Variants in ZBTB46 observed in about 807,000 individuals in gnomAD.
ZBTB46 encodes zinc finger and BTB domain-containing protein 46.
In ZBTB46, 8 loss-of-function variants were observed where a neutral mutation model predicts 44.1. The observed-to-expected ratio is 0.18, with a 90% confidence interval of 0.11 to 0.33. The LOEUF is 0.33. Ranked by LOEUF, ZBTB46 falls within the 10% of genes least tolerant of loss-of-function variation. ZBTB46 has a pLI of 1.00. For missense variants in ZBTB46, 651 were observed against 847.7 expected (o/e 0.77, Z 2.88); for synonymous variants, 409 against 382.3 (o/e 1.07, Z -0.81).
In ZBTB46 at chr20:63,749,437, T is replaced by C. The variant is rs533427847; in HGVS notation, c.1399-2136A>G. Among the ~76,000 whole-genome samples, 10 of 152,294 alleles carry C rather than the reference T, an allele frequency of 6.6e-5. No homozygotes were observed. In the South Asian group the frequency reaches 8.3e-4, roughly 13 times the overall value. Reference sequence around the variant, plus strand: ...CTGCCAGCTCCGCCTCCCGGGTTCATACCATTCTCCTGCCTCAGCCTCCCA... The same window carrying C: ...CTGCCAGCTCCGCCTCCCGGGTTCACACCATTCTCCTGCCTCAGCCTCCCA... On this transcript the variant is annotated intron_variant, in intron 4 of 4. Coordinates refer to ENST00000245663, the MANE Select transcript of ZBTB46 (RefSeq NM_001369741.1).
At position 63,775,961 on chromosome 20, in the gene ZBTB46, A is replaced by G. The variant is rs1238099379; in HGVS notation, c.939T>C (p.Asn313=). ...TGGCTTCGGTGACGGACAGGTCCGC[A>G]TCTGGGGACAGAGGGACACACGTCA... ...SGWPFSSRDS[N]ADLSVTEASS... is the part of the protein sequence containing the mutation. The change falls in exon 3 of 5, where the codon AAT becomes AAC. Residue 313 remains asparagine (N), a splice_region_variant and synonymous_variant. Coordinates refer to ENST00000245663, the MANE Select transcript of ZBTB46 (RefSeq NM_001369741.1). 1 of 1,553,120 alleles carries G rather than the reference A, an allele frequency of 6.4e-7. No homozygotes were observed. Among genetic ancestry groups the G allele is most frequent in the South Asian group, 1.2e-5 (1 of 84,298 alleles).
intron 2 of ZBTB46, among the ~76,000 whole-genome samples, chr20:63,777,797 A>C (rs1345820385): frequency 6.6e-6 from 1 of 152,226 alleles, no homozygotes; most frequent in Non-Finnish European, 1.5e-5. Context: ...CCACAATGGA[A>C]TATTATGTGG....
upstream of ZBTB46, among the ~76,000 whole-genome samples, chr20:63,831,707 C>T (rs1234508995): frequency 1.3e-5 from 2 of 150,770 alleles, no homozygotes; most frequent in Non-Finnish European, 3.0e-5. Context: ...CACCCGCTCC[C>T]TTCCCGGGCC....
intron 3 of ZBTB46, among the ~76,000 whole-genome samples, chr20:63,768,534 A>G: frequency 1.3e-5 from 2 of 152,104 alleles, no homozygotes; most frequent in African/African-American, 2.4e-5. Context: ...TTGAACCCCG[A>G]AGGTGGAGGT....
intron 2 of ZBTB46, among the ~76,000 whole-genome samples, chr20:63,789,080 G>A (rs2092538918): frequency 6.6e-6 from 1 of 151,184 alleles, no homozygotes; most frequent in Non-Finnish European, 1.5e-5. Flanking sequence ...GCCTCTCAAA[G>A]TGCTGGGATT....
intron 1 of ZBTB46, among the ~76,000 whole-genome samples, chr20:63,808,913 C>T (rs1288475582): frequency 7.3e-6 from 1 of 137,020 alleles, no homozygotes; most frequent in African/African-American, 2.7e-5. Flanking sequence ...GGGGGCGGAG[C>T]TTGCGGTGAG....
At chr20:63,768,761 G>T (rs926819714) in intron 3 of ZBTB46, among the ~76,000 whole-genome samples, 3 of 152,088 alleles carry the variant, frequency 2.0e-5, no homozygotes, top group Non-Finnish European at 4.4e-5. Flanking sequence ...CGCGGCTCGG[G>T]CTGGGGCAGT....
At chr20:63,791,537 C>T (rs2092561226) in intron 1 of ZBTB46, among the ~76,000 whole-genome samples, 1 of 150,700 alleles carries the variant, frequency 6.6e-6, no homozygotes, top group Non-Finnish European at 1.5e-5. Flanking sequence ...CACAAAAAAC[C>T]ACAGAATAAG....
chr20:63,829,953 G>A (rs771968946), intron 1 of ZBTB46, among the ~76,000 whole-genome samples: 3 of 152,192 alleles, frequency 2.0e-5, no homozygotes, highest in African/African-American at 7.2e-5. Flanking sequence ...CCCAGGCCGC[G>A]CGCTAAACAC....
chr20:63,801,357 G>A (rs2092643194), intron 1 of ZBTB46, among the ~76,000 whole-genome samples: 1 of 152,142 alleles, frequency 6.6e-6, no homozygotes, highest in African/African-American at 2.4e-5. Context: ...TCTAGCTCAA[G>A]GATTGTCAAC....
At position 63,766,032 on chromosome 20, in the gene ZBTB46, G is replaced by A. The variant is rs141040221; in HGVS notation, c.1222+9646C>T. 1.2e-3 allele frequency among the ~76,000 whole-genome samples: 183 copies of A among 151,990 alleles called. 1 individual carries two copies. Among genetic ancestry groups the A allele is most frequent in the Non-Finnish European group, 2.4e-3 (163 of 67,942 alleles). On this transcript the variant is annotated intron_variant, in intron 3 of 4. Coordinates refer to ENST00000245663, the MANE Select transcript of ZBTB46 (RefSeq NM_001369741.1). The stretch of plus-strand genomic sequence containing the variant: ...CTGCTGCCCACCCTGGAGAGCAAAA[G>A]GCAAAGCTGTCATGCGGCCTCTGAT...
chr20:63,790,587 C>T lies in ZBTB46; in HGVS notation c.171G>A (p.Lys57=). 6.2e-7 allele frequency: 1 copy of T among 1,613,034 alleles called. No individual in the cohort carries two copies. The highest frequency in any genetic ancestry group is 1.7e-5 in the Admixed American group (1 of 60,018). The part of the protein sequence containing the change: ...NVLLGSSRYF[K]TLYCQVQKTS... Reference sequence around the variant, plus strand: ...TCTTCTGCACCTGGCAGTAGAGCGTCTTGAAGTAGCGGCTGCTGCCCAGCA... The same window carrying T: ...TCTTCTGCACCTGGCAGTAGAGCGTTTTGAAGTAGCGGCTGCTGCCCAGCA... The change falls in exon 2 of 5, where the codon AAG becomes AAA. Residue 57 remains lysine, a synonymous_variant. Transcript: ENST00000245663.
chr20:63,791,468 C>T (rs1002373315), intron 1 of ZBTB46, among the ~76,000 whole-genome samples: 2 of 145,132 alleles, frequency 1.4e-5, no homozygotes, highest in Middle Eastern at 3.4e-3. Context: ...TGCACTCCAG[C>T]CTGGGCGACA....
At chr20:63,829,786 A>G (rs1422892225) in intron 1 of ZBTB46, among the ~76,000 whole-genome samples, 2 of 152,254 alleles carry the variant, frequency 1.3e-5, no homozygotes, top group African/African-American at 2.4e-5. Flanking sequence ...GTAGAGTGAA[A>G]TAGTGCCTTG....
In ZBTB46 at chr20:63,767,050, C is replaced by T. The variant is rs141683758; in HGVS notation, c.1222+8628G>A. Among the ~76,000 whole-genome samples the T allele has an allele frequency of 6.6e-6, 1 of 152,342 alleles. No homozygotes were observed. Among genetic ancestry groups the T allele is most frequent in the East Asian group, 1.9e-4 (1 of 5,190 alleles). On this transcript the variant is annotated intron_variant, in intron 3 of 4. Transcript: ENST00000245663. This position sits in a 1 kb window ranked among gnomAD's most constrained non-coding sequence, Gnocchi z 5.0. Reference sequence around the variant, plus strand: ...CTCTGAATAGAAAGCTGACATTGAACCTAACACGTCCGACGAGGACGGGCA... The same window carrying T: ...CTCTGAATAGAAAGCTGACATTGAATCTAACACGTCCGACGAGGACGGGCA...
At chr20:63,829,522 T>C (rs1437066265) in intron 1 of ZBTB46, among the ~76,000 whole-genome samples, 1 of 152,222 alleles carries the variant, frequency 6.6e-6, no homozygotes, top group Non-Finnish European at 1.5e-5. Flanking sequence ...ACGGAGAAGA[T>C]GTCTAGCTTT....
intron 3 of ZBTB46, among the ~76,000 whole-genome samples, chr20:63,773,913 G>A (rs1209580649): frequency 1.3e-5 from 2 of 152,232 alleles, no homozygotes; most frequent in Non-Finnish European, 2.9e-5. Context: ...CATTTCTGCT[G>A]ACAAGTACAC....
chr20:63,815,834 A>G (rs1482049670), intron 1 of ZBTB46, among the ~76,000 whole-genome samples: 82 of 112,802 alleles, frequency 7.3e-4, no homozygotes, highest in African/African-American at 1.1e-3. Context: ...AGTGCAGGTG[A>G]GCACAGGTGC....
chr20:63,749,866 G>A (rs1217736622), intron 4 of ZBTB46, among the ~76,000 whole-genome samples: 2 of 152,252 alleles, frequency 1.3e-5, no homozygotes, highest in African/African-American at 4.8e-5. Flanking sequence ...ATGTGGCCAG[G>A]GCTGGATGGC....
Sources: gnomAD v4.1 joint callset for allele counts (sites outside exome capture counted in the v4.1 genomes callset) on GRCh38, gnomAD v4.1.1 for gene constraint, Gnocchi (gnomAD v3.1) non-coding constraint, MANE v1.5 for transcripts, NCBI Gene and HGNC (gene_info 2026-07-23, HGNC 2026-07-21) for gene names.